LRRTM4: variants seen among roughly 807,000 people sequenced by gnomAD.
LRRTM4 encodes the protein leucine-rich repeat transmembrane neuronal protein 4.
LRRTM4 carries 25 observed loss-of-function variants against 47.6 expected under a neutral mutation model. That is an observed-to-expected ratio of 0.53 (90% CI 0.38 to 0.73). The LOEUF (loss-of-function observed/expected upper bound fraction) is 0.73. LRRTM4 is among the 30% of genes least tolerant of loss of function. The pLI is 0.00. For missense variants in LRRTM4, 638 were observed against 713.4 expected, an observed-to-expected ratio of 0.89 and a Z score of 1.20; for synonymous variants, 311 against 269.5, an observed-to-expected ratio of 1.15 and a Z score of -1.51.
intron 3 of LRRTM4, among the ~76,000 whole-genome samples, chr2:76,974,193 T>TATATATAC (rs1558771579): frequency 3.3e-5 from 4 of 119,606 alleles, no homozygotes; most frequent in African/African-American, 4.1e-5. Context: ...CATACATATA[T>TATATATAC]ATACATATAT....
At position 77,482,163 on chromosome 2, in the gene LRRTM4, G is replaced by A. The variant is rs115020404; in HGVS notation, c.1551+36155C>T. Among the ~76,000 whole-genome samples, 933 of 152,144 alleles carry A rather than the reference G, an allele frequency of 6.1e-3. 7 individuals are homozygous for A. The highest frequency in any genetic ancestry group is 7.7e-3 in the Non-Finnish European group (520 of 67,972). ...AGAAGATAATAGATGAAGGAAGCATGTTATGAATGACCATAGAGGATTCTC... is the reference window on the plus strand; with the variant it reads ...AGAAGATAATAGATGAAGGAAGCATATTATGAATGACCATAGAGGATTCTC... On this transcript the variant is annotated intron_variant, in intron 3 of 3. Coordinates refer to ENST00000409884, the MANE Select transcript of LRRTM4 (RefSeq NM_001134745.3).
chr2:77,466,152 T>C (rs1676974392), intron 3 of LRRTM4, among the ~76,000 whole-genome samples: 1 of 152,168 alleles, frequency 6.6e-6, no homozygotes, highest in South Asian at 2.1e-4. Context: ...AGATCAGTTC[T>C]CGGCAGAGTT....
intron 3 of LRRTM4, among the ~76,000 whole-genome samples, chr2:77,126,412 G>A (rs1671654247): frequency 6.6e-6 from 1 of 152,110 alleles, no homozygotes; most frequent in Non-Finnish European, 1.5e-5. Context: ...GCTTTGGAAG[G>A]TGTTCTAGGT....
chr2:77,353,959 A>C (rs1671879157), intron 3 of LRRTM4, among the ~76,000 whole-genome samples: 1 of 152,212 alleles, frequency 6.6e-6, no homozygotes, highest in Admixed American at 6.5e-5. Context: ...TCTGTAGAGC[A>C]GGGCTATTCC....
rs78761383 is a variant in LRRTM4, at chr2:77,105,447, G to A, written c.1552-356531C>T. Among the ~76,000 whole-genome samples the A allele has an allele frequency of 7.8e-3, 1,136 of 146,124 alleles. 4 individuals carry two copies. Among genetic ancestry groups the A allele is most frequent in the Admixed American group, 0.015 (212 of 14,056 alleles). On this transcript the variant is annotated intron_variant, in intron 3 of 3. Transcript: ENST00000409884. ...GCATGTTCTGACTCATAGGTAGGTG[G>A]GAATTGAACAATGAGAACACATGGA...
At chr2:77,479,102 G>T (rs1558762591) in intron 3 of LRRTM4, among the ~76,000 whole-genome samples, 1 of 151,988 alleles carries the variant, frequency 6.6e-6, no homozygotes, top group Admixed American at 6.6e-5. Context: ...CACCATCTTG[G>T]TCAGGCTGGT....
chr2:76,821,572 C>G (rs1202426589), intron 3 of LRRTM4, among the ~76,000 whole-genome samples: 1 of 151,616 alleles, frequency 6.6e-6, no homozygotes, highest in Non-Finnish European at 1.5e-5. Context: ...AAATTCATTT[C>G]AAGGAAAATA....
At chr2:77,393,688 G>C (rs1468288171) in intron 3 of LRRTM4, among the ~76,000 whole-genome samples, 1 of 151,974 alleles carries the variant, frequency 6.6e-6, no homozygotes, top group Non-Finnish European at 1.5e-5. Flanking sequence ...TTGGAAGAGG[G>C]AGCATGTAAA....
intron 3 of LRRTM4, among the ~76,000 whole-genome samples, chr2:76,750,611 C>T (rs922803372): frequency 3.9e-5 from 6 of 152,218 alleles, no homozygotes; most frequent in East Asian, 1.9e-4. Flanking sequence ...TAGAGTTAAC[C>T]ACCAGAGGTC....
chr2:76,998,671 GA>G (rs1001455272), intron 3 of LRRTM4, among the ~76,000 whole-genome samples: 18 of 132,250 alleles, frequency 1.4e-4, no homozygotes, highest in Non-Finnish European at 2.2e-4. Context: ...CCGTTGGAGA[GA>G]AAAAAAACCC....
chr2:76,817,581 G>T (rs2103846546), intron 3 of LRRTM4, among the ~76,000 whole-genome samples: 1 of 152,066 alleles, frequency 6.6e-6, no homozygotes, highest in East Asian at 1.9e-4. Flanking sequence ...CTAGTAAATT[G>T]GTGAGATTGC....
chr2:76,837,540 C>T (rs923902262), intron 3 of LRRTM4, among the ~76,000 whole-genome samples: 10 of 152,112 alleles, frequency 6.6e-5, no homozygotes, highest in Non-Finnish European at 8.8e-5. Flanking sequence ...TCCCTCTATA[C>T]ACTGCTTTGA....
intron 3 of LRRTM4, among the ~76,000 whole-genome samples, chr2:77,152,742 T>A (rs1454987444): frequency 6.6e-6 from 1 of 152,272 alleles, no homozygotes; most frequent in Non-Finnish European, 1.5e-5. Context: ...AATAATTGAG[T>A]AACAACACAA....
intron 3 of LRRTM4, among the ~76,000 whole-genome samples, chr2:77,108,392 TATG>T (rs1019798151): frequency 2.0e-5 from 3 of 152,142 alleles, no homozygotes; most frequent in East Asian, 1.9e-4. Context: ...CCTACAATTT[TATG>T]ATAATACAAA....
chr2:77,150,287 C>G (rs1672380571), intron 3 of LRRTM4, among the ~76,000 whole-genome samples: 1 of 152,064 alleles, frequency 6.6e-6, no homozygotes, highest in Non-Finnish European at 1.5e-5. Flanking sequence ...ACAAAAATGC[C>G]AGGCTACAAT....
At chr2:77,127,198 T>C (rs1460613624) in intron 3 of LRRTM4, among the ~76,000 whole-genome samples, 38 of 152,206 alleles carry the variant, frequency 2.5e-4, no homozygotes, top group Admixed American at 2.5e-3. Flanking sequence ...TGTTTGTCTT[T>C]TCTGGTCACC....
chr2:77,095,619 C>T (rs944265900), intron 3 of LRRTM4, among the ~76,000 whole-genome samples: 4 of 151,618 alleles, frequency 2.6e-5, no homozygotes, highest in African/African-American at 4.9e-5. Flanking sequence ...GATTCTCGTG[C>T]CTCAGCCTCC....
At position 76,800,097 on chromosome 2, in the gene LRRTM4, A is replaced by C. The variant is rs1230099345; in HGVS notation, c.1552-51181T>G. ...TGCCTTTCTTCACAGAATTGGAAAA[A>C]ACTACTTTAAAGTTCATATGGAACC... is the stretch of plus-strand genomic sequence containing the variant. On this transcript the variant is annotated intron_variant, in intron 3 of 3. Transcript: ENST00000409884. Among the ~76,000 whole-genome samples, 110 of 151,030 alleles carry C rather than the reference A, an allele frequency of 7.3e-4. 1 individual carries two copies. The highest frequency in any genetic ancestry group is 3.6e-3 in the South Asian group (17 of 4,758).
intron 3 of LRRTM4, among the ~76,000 whole-genome samples, chr2:77,000,733 T>G (rs2197603): frequency 0.42 from 64,352 of 151,958 alleles, 13,720 homozygotes; most frequent in East Asian, 0.53. Flanking sequence ...AAATTATTTT[T>G]GTCATTCCTA....
Sources: allele counts gnomAD v4.1 joint callset (sites outside exome capture counted in the v4.1 genomes callset), GRCh38; gene constraint gnomAD v4.1.1; transcripts MANE v1.5; gene names NCBI Gene and HGNC (gene_info 2026-07-23, HGNC 2026-07-21).